Variants in NCOR2 observed in about 807,000 individuals in gnomAD.
The protein encoded by NCOR2 is CTG repeat protein 26.
Under a neutral mutation model 262.9 loss-of-function variants are expected in NCOR2, and 81 were observed. That is an observed-to-expected ratio of 0.31 (90% CI 0.26 to 0.37). NCOR2 has a LOEUF of 0.37. Among genes scored for constraint, NCOR2 ranks in the 10% least tolerant of loss-of-function variants. NCOR2 has a pLI of 1.00. For missense variants in NCOR2, 3,385 were observed against 3,621.4 expected (o/e 0.93, Z 1.68); for synonymous variants, 1,659 against 1,559.3 (o/e 1.06, Z -1.51).
At chr12:124,394,389 C>T (rs1453833042) in intron 16 of NCOR2, among the ~76,000 whole-genome samples, 1 of 152,200 alleles carries the variant, frequency 6.6e-6, no homozygotes, top group Non-Finnish European at 1.5e-5. Flanking sequence ...CTGCCCTCAG[C>T]TCTTCTGTGT....
chr12:124,431,214 ACAGT>A (rs774670778), intron 8 of NCOR2, among the ~76,000 whole-genome samples: 36 of 151,686 alleles, frequency 2.4e-4, no homozygotes, highest in Non-Finnish European at 4.7e-4. Context: ...ACACACACAT[ACAGT>A]CAGACAGATA....
chr12:124,493,111 T>C (rs916984400), intron 1 of NCOR2, among the ~76,000 whole-genome samples: 3 of 152,240 alleles, frequency 2.0e-5, no homozygotes, highest in East Asian at 1.9e-4. Context: ...CCTGCGTCAC[T>C]GACGGCCCAG....
chr12:124,500,652 C>T (rs576305013), intron 1 of NCOR2, among the ~76,000 whole-genome samples: 3 of 152,022 alleles, frequency 2.0e-5, no homozygotes, highest in Admixed American at 6.5e-5. Flanking sequence ...CCCACCTGGC[C>T]GGGCAGAGGC....
chr12:124,557,225 C>T (rs1012139959), intron 1 of NCOR2, among the ~76,000 whole-genome samples: 2 of 152,210 alleles, frequency 1.3e-5, no homozygotes, highest in Non-Finnish European at 2.9e-5. Flanking sequence ...AGCTGTGTTC[C>T]CTTCCTAGAA....
chr12:124,504,774 C>T lies in NCOR2; in HGVS notation c.-117-9406G>A, dbSNP rs112315503. ...GACATGGCACAAAAGGCAAAGAAGC[C>T]GCTCAGAAAGGCCACGCACTGCATG... On this transcript the variant is annotated intron_variant, in intron 1 of 46. Transcript: ENST00000404621. The surrounding 1 kb of genome is among the most constrained non-coding windows in gnomAD (Gnocchi z 4.5). 4.3e-4 allele frequency among the ~76,000 whole-genome samples: 65 copies of T among 152,288 alleles called. 2 individuals carry two copies. The highest frequency in any genetic ancestry group is 3.9e-3 in the South Asian group (19 of 4,822).
At chr12:124,473,853 A>G (rs1052254304) in intron 3 of NCOR2, among the ~76,000 whole-genome samples, 1 of 152,090 alleles carries the variant, frequency 6.6e-6, no homozygotes. Context: ...CCGGGTTTCC[A>G]TCCCTGACTC....
intron 13 of NCOR2, among the ~76,000 whole-genome samples, chr12:124,411,800 C>T (rs1243113787): frequency 6.6e-6 from 1 of 152,238 alleles, no homozygotes; most frequent in Non-Finnish European, 1.5e-5. Context: ...AGAGGATGCT[C>T]GGGCCTCAAC....
At chr12:124,347,106 C>T (rs552633001) in intron 30 of NCOR2, among the ~76,000 whole-genome samples, 5 of 152,338 alleles carry the variant, frequency 3.3e-5, no homozygotes, top group East Asian at 1.9e-4. Context: ...CAGTAGCTCA[C>T]GCCTGTAATC....
intron 1 of NCOR2, among the ~76,000 whole-genome samples, chr12:124,493,189 G>A (rs1406104606): frequency 6.6e-6 from 1 of 152,250 alleles, no homozygotes; most frequent in Non-Finnish European, 1.5e-5. Flanking sequence ...GCAAAGGGCA[G>A]GAGGGGTGGG....
At chr12:124,529,539 C>T (rs1191804926) in intron 1 of NCOR2, among the ~76,000 whole-genome samples, 3 of 152,190 alleles carry the variant, frequency 2.0e-5, no homozygotes, top group African/African-American at 4.8e-5. Context: ...AACAACCCAA[C>T]TGGTGCAATC....
rs140937239 is a variant in NCOR2, at chr12:124,546,572, G to A, written c.-164-10961C>T. 3.3e-3 allele frequency among the ~76,000 whole-genome samples: 508 copies of A among 152,152 alleles called. 2 individuals are homozygous for A. The highest frequency in any genetic ancestry group is 0.01 in the Middle Eastern group (3 of 294). On this transcript the variant is annotated intron_variant, in intron 1 of 32. Transcript: ENST00000458234. Reference sequence around the variant, plus strand: ...TGGGATTACAGGCGTCTGCCATCACGCTCAGCTAATTTTTGTATTTTTAGT... The same window carrying A: ...TGGGATTACAGGCGTCTGCCATCACACTCAGCTAATTTTTGTATTTTTAGT...
Position 124,378,360 on chromosome 12 carries a change from T to C in NCOR2, c.2044A>G (p.Lys682Glu), listed in dbSNP as rs771207656. The C allele has an allele frequency of 1.2e-6, 2 of 1,613,374 alleles. No individual in the cohort carries two copies. The highest frequency in any genetic ancestry group is 1.7e-6 in the Non-Finnish European group (2 of 1,179,822). The change falls in exon 18 of 47, where the codon AAG becomes GAG. Residue 682 changes from lysine (K) to glutamate (E), a missense_variant. Transcript: ENST00000405201. This position sits in a 1 kb window ranked among gnomAD's most constrained non-coding sequence, Gnocchi z 4.2. The stretch of plus-strand genomic sequence containing the variant: ...GCCGCCGCCGGCGCTTTCTTCTTCT[T>C]CCTCCGCGCGTTCCTCTCCTTCTCC...
intron 7 of NCOR2, among the ~76,000 whole-genome samples, chr12:124,446,100 T>C (rs1343525385): frequency 6.6e-6 from 1 of 152,232 alleles, no homozygotes; most frequent in Non-Finnish European, 1.5e-5. Context: ...CAGTCTAGCA[T>C]GAGCGGTCAC....
chr12:124,372,589 T>C, exon 20 of NCOR2: 1 of 1,597,196 alleles, frequency 6.3e-7, no homozygotes, highest in Admixed American at 1.7e-5. Flanking sequence ...GCTCTCGGTG[T>C]CTGAGCTGTT....
intron 33 of NCOR2, among the ~76,000 whole-genome samples, chr12:124,342,596 C>A (rs1019245990): frequency 4.6e-5 from 7 of 152,154 alleles, no homozygotes; most frequent in Admixed American, 3.9e-4. Flanking sequence ...TCTCTATCTC[C>A]TGACCTTGTG....
intron 1 of NCOR2, among the ~76,000 whole-genome samples, chr12:124,522,952 C>G (rs568480631): frequency 6.6e-6 from 1 of 152,160 alleles, no homozygotes; most frequent in Non-Finnish European, 1.5e-5. Flanking sequence ...GCCAGCCACT[C>G]GTGGGCAGCT....
At chr12:124,359,549 G>T (rs1341802459) in intron 22 of NCOR2, among the ~76,000 whole-genome samples, 1 of 152,234 alleles carries the variant, frequency 6.6e-6, no homozygotes, top group Non-Finnish European at 1.5e-5. Context: ...CCAGTCCCCA[G>T]TGGAGGCACC....
upstream of NCOR2, among the ~76,000 whole-genome samples, chr12:124,499,242 T>G (rs188725205): frequency 9.1e-4 from 139 of 152,344 alleles, 2 homozygotes; most frequent in African/African-American, 3.0e-3. Flanking sequence ...GTTCTGAGGA[T>G]GGATCCGGGC....
chr12:124,396,520 T>C (rs1268042822), intron 16 of NCOR2, among the ~76,000 whole-genome samples: 1 of 143,878 alleles, frequency 7.0e-6, no homozygotes, highest in Admixed American at 6.7e-5. Context: ...ACCAGCTGGA[T>C]ACAGTGCCCA....
Sources: gnomAD v4.1 joint callset for allele counts (sites outside exome capture counted in the v4.1 genomes callset) on GRCh38, gnomAD v4.1.1 for gene constraint, Gnocchi (gnomAD v3.1) non-coding constraint, MANE v1.5 for transcripts, NCBI Gene and HGNC (gene_info 2026-07-23, HGNC 2026-07-21) for gene names.